Variants in KCNMA1 observed in about 807,000 individuals in gnomAD.
KCNMA1 encodes the protein Calcium-activated potassium channel subunit alpha-1.
A neutral mutation model predicts 140.0 loss-of-function variants in KCNMA1; 29 were observed. That is an observed-to-expected ratio of 0.21 (90% CI 0.15 to 0.28). The LOEUF is 0.28. Ranked by LOEUF, KCNMA1 falls within the 10% of genes least tolerant of loss-of-function variation. The pLI is 1.00. For missense variants in KCNMA1, 880 were observed against 1,602.2 expected (o/e 0.55, Z 7.70); for synonymous variants, 612 against 611.9 (o/e 1.00, Z 0.00).
rs1043580807 is a variant in KCNMA1, at chr10:76,889,704, C to T, written c.3343-135G>A. On this transcript the variant is annotated intron_variant, in intron 26 of 27. Transcript: ENST00000286628. ...GTTGGAGGGTCCATGTGCCAAGGGACGGCAGTGGAAGAAGTCAACATGTTT... is the reference window on the plus strand; with the variant it reads ...GTTGGAGGGTCCATGTGCCAAGGGATGGCAGTGGAAGAAGTCAACATGTTT... 163 of 764,392 alleles carry T rather than the reference C, an allele frequency of 2.1e-4. 3 individuals are homozygous for T. The Admixed American group carries it at 2.6e-3, about 12-fold the overall frequency. The allele number at this position is 764,392 out of a possible 1,614,324, so 47.4% of individuals were successfully genotyped here. A position where few individuals can be genotyped will look rare whatever the true frequency, so the allele number is the denominator to read the frequency against.
chr10:76,925,657 G>C (rs1198079834), intron 23 of KCNMA1, among the ~76,000 whole-genome samples: 1 of 152,012 alleles, frequency 6.6e-6, no homozygotes, highest in Admixed American at 6.6e-5. Flanking sequence ...TATGTTCTTG[G>C]TGCTATGGGC....
intron 1 of KCNMA1, among the ~76,000 whole-genome samples, chr10:77,500,192 C>G (rs1242971102): frequency 1.3e-5 from 2 of 150,942 alleles, no homozygotes; most frequent in African/African-American, 2.4e-5. Flanking sequence ...AAGGCCAAAA[C>G]ATATTAGTTA....
At chr10:77,151,947 C>T (rs2098422709) in intron 5 of KCNMA1, among the ~76,000 whole-genome samples, 1 of 152,132 alleles carries the variant, frequency 6.6e-6, no homozygotes, top group South Asian at 2.1e-4. Flanking sequence ...GAGCTGAATA[C>T]CACAGCTTCT....
At chr10:77,109,312 G>C (rs1387515112) in intron 8 of KCNMA1, among the ~76,000 whole-genome samples, 1 of 151,986 alleles carries the variant, frequency 6.6e-6, no homozygotes, top group Non-Finnish European at 1.5e-5. Flanking sequence ...AACAGAGAGA[G>C]GTGTATGCAT....
chr10:77,033,924 TC>T (rs1159667069), intron 15 of KCNMA1, among the ~76,000 whole-genome samples: 1 of 152,148 alleles, frequency 6.6e-6, no homozygotes, highest in African/African-American at 2.4e-5. Flanking sequence ...TAGAGCCAGT[TC>T]TGTGAGGGGA....
intron 1 of KCNMA1, among the ~76,000 whole-genome samples, chr10:77,520,040 TGCAG>T (rs1567295464): frequency 4.6e-4 from 7 of 15,178 alleles, no homozygotes; most frequent in African/African-American, 3.9e-3. Context: ...TGTGAGGGTG[TGCAG>T]TGTGAGGGTG....
At chr10:77,019,259 A>T (rs2092552855) in intron 16 of KCNMA1, 160 bp from the exon 17 acceptor site, 6 of 632,724 alleles carry the variant, frequency 9.5e-6, no homozygotes, top group Non-Finnish European at 1.7e-5. Flanking sequence ...ACTGCCCCAT[A>T]CATTTAGTTG....
chr10:77,470,935 G>A (rs539890820), intron 1 of KCNMA1, among the ~76,000 whole-genome samples: 34 of 152,220 alleles, frequency 2.2e-4, no homozygotes, highest in Middle Eastern at 3.4e-3. Context: ...AAGCAGGCAA[G>A]AGGGCCTCCT....
intron 2 of KCNMA1, among the ~76,000 whole-genome samples, chr10:77,292,190 T>A (rs778361788): frequency 3.3e-5 from 5 of 152,184 alleles, no homozygotes; most frequent in Non-Finnish European, 2.9e-5. Flanking sequence ...CACAGCCGGC[T>A]GAGACCCCGC....
chr10:77,542,537 AG>A (rs1260466856), intron 1 of KCNMA1, among the ~76,000 whole-genome samples: 6 of 152,258 alleles, frequency 3.9e-5, no homozygotes, highest in Non-Finnish European at 8.8e-5. Context: ...CCCTCCCCTA[AG>A]GGAATCTAAT....
chr10:77,326,890 G>T (rs537719759), intron 2 of KCNMA1, among the ~76,000 whole-genome samples: 3 of 151,942 alleles, frequency 2.0e-5, no homozygotes, highest in African/African-American at 7.3e-5. Flanking sequence ...TGATAATTAC[G>T]TGGTTATTAG....
intron 3 of KCNMA1, among the ~76,000 whole-genome samples, chr10:77,208,670 A>T (rs2044993782): frequency 1.3e-5 from 2 of 152,216 alleles, no homozygotes; most frequent in South Asian, 4.1e-4. Context: ...ACAAACATAC[A>T]GTAGAAAAGC....
intron 12 of KCNMA1, among the ~76,000 whole-genome samples, chr10:77,082,165 A>T (rs1477427248): frequency 1.3e-5 from 2 of 151,450 alleles, no homozygotes; most frequent in Non-Finnish European, 2.9e-5. Flanking sequence ...AGTAACTGGG[A>T]TTACAGGCAC....
chr10:77,538,376 C>T (rs923509731), intron 1 of KCNMA1, among the ~76,000 whole-genome samples: 3 of 152,172 alleles, frequency 2.0e-5, no homozygotes, highest in Non-Finnish European at 4.4e-5. Flanking sequence ...ACTGTGGTCT[C>T]GTGGGCCAGG....
intron 2 of KCNMA1, among the ~76,000 whole-genome samples, chr10:77,392,623 C>A (rs2095873795): frequency 6.6e-6 from 1 of 152,228 alleles, no homozygotes; most frequent in Admixed American, 6.5e-5. Context: ...GTATCTGACC[C>A]CGAGCAGGTG....
Position 76,885,756 on chromosome 10 carries a change from T to A in KCNMA1, c.*1510A>T, listed in dbSNP as rs2036603510. The stretch of plus-strand genomic sequence containing the variant: ...AATACCGCACTGCCTAAAGCATGAT[T>A]TGCATGCACAAAGCATCTGACAACT... On this transcript the variant is annotated 3_prime_UTR_variant, in exon 28 of 28. Transcript: ENST00000286628. 1 of 985,214 alleles carries A rather than the reference T, an allele frequency of 1.0e-6. No individual in the cohort carries two copies. The highest frequency in any genetic ancestry group is 1.7e-5 in the African/African-American group (1 of 57,202). 61.0% of individuals were successfully genotyped at this position (985,214 alleles called of 1,614,324 possible).
intron 2 of KCNMA1, among the ~76,000 whole-genome samples, chr10:77,397,886 G>A (rs775460828): frequency 2.6e-5 from 4 of 152,096 alleles, no homozygotes; most frequent in Non-Finnish European, 5.9e-5. Context: ...TCGTTTCTGA[G>A]TTGTTCCACT....
chr10:77,514,367 G>A (rs550172171), intron 1 of KCNMA1, among the ~76,000 whole-genome samples: 2 of 152,332 alleles, frequency 1.3e-5, no homozygotes, highest in Non-Finnish European at 2.9e-5. Flanking sequence ...CATTCCCCAG[G>A]TGGTCATCTG....
In KCNMA1 at chr10:77,503,675, C is replaced by T. The variant is rs943529168; in HGVS notation, c.379-99652G>A. ...CAGAGCAGGCGTACATACTAAGCAC[C>T]TGTTCCAGCAGGTAGAGACAGTGTA... On this transcript the variant is annotated intron_variant, in intron 1 of 27. Transcript: ENST00000286628. 3.9e-4 allele frequency among the ~76,000 whole-genome samples: 60 copies of T among 152,190 alleles called. 1 individual carries two copies. The highest frequency in any genetic ancestry group is 1.3e-3 in the African/African-American group (53 of 41,434).
Sources: allele counts gnomAD v4.1 joint callset (sites outside exome capture counted in the v4.1 genomes callset), GRCh38; gene constraint gnomAD v4.1.1; transcripts MANE v1.5; gene names NCBI Gene and HGNC (gene_info 2026-07-23, HGNC 2026-07-21).